Variants in LRRK1 observed in about 807,000 individuals in gnomAD.
LRRK1 encodes leucine rich repeat kinase 1.
Under a neutral mutation model 209.1 loss-of-function variants are expected in LRRK1, and 113 were observed. The observed-to-expected ratio is 0.54, with a 90% CI of 0.46 to 0.63. The LOEUF is 0.63. Ranked by LOEUF, LRRK1 falls within the 30% of genes least tolerant of loss-of-function variation. The pLI is 0.00. For synonymous variants in LRRK1, 1,144 were observed against 1,099.7 expected (o/e 1.04, Z -0.80); for missense variants, 2,284 against 2,632.2 (o/e 0.87, Z 2.89).
chr15:101,015,449 T>C (rs1337412112), intron 12 of LRRK1, 47 bp downstream of exon 12: 6 of 1,459,504 alleles, frequency 4.1e-6, no homozygotes, highest in South Asian at 1.2e-5. Flanking sequence ...ACAGCCGGGG[T>C]AGCCTGGTTC....
At chr15:100,942,695 C>CT (rs1353218040) in intron 2 of LRRK1, among the ~76,000 whole-genome samples, 3 of 152,058 alleles carry the variant, frequency 2.0e-5, no homozygotes, top group Admixed American at 1.3e-4. Context: ...TTTTTCTTTT[C>CT]TTTTTTTTCC....
chr15:101,068,779 G>A lies in LRRK1; in HGVS notation c.5979G>A (p.Glu1993=), dbSNP rs1295826642. 5 of 1,613,648 alleles carry A rather than the reference G, an allele frequency of 3.1e-6. No individual in the cohort carries two copies. Among genetic ancestry groups the A allele is most frequent in the Admixed American group, 3.3e-5 (2 of 59,986 alleles). The change falls in exon 34 of 34, where the codon GAG becomes GAA. Residue 1993 remains glutamate (E), a synonymous_variant. Coordinates refer to ENST00000388948, the MANE Select transcript of LRRK1 (RefSeq NM_024652.6). Reference sequence around the variant, plus strand: ...TCTGGAGGGGCTGGGGCGCCAGGGAGTTCGACATTTTCTACCAGTCCTACG... The same window carrying A: ...TCTGGAGGGGCTGGGGCGCCAGGGAATTCGACATTTTCTACCAGTCCTACG... ...LAVWRGWGAR[E]FDIFYQSYEE... is the part of the protein sequence containing the mutation.
intron 2 of LRRK1, among the ~76,000 whole-genome samples, chr15:100,960,503 C>T (rs1213824036): frequency 6.6e-6 from 1 of 151,992 alleles, no homozygotes; most frequent in Non-Finnish European, 1.5e-5. Flanking sequence ...AATGAACTGT[C>T]CTATTTATGT....
intron 20 of LRRK1, among the ~76,000 whole-genome samples, chr15:101,039,362 G>A (rs942307280): frequency 5.3e-5 from 8 of 152,018 alleles, no homozygotes; most frequent in Non-Finnish European, 8.8e-5. Context: ...TATGTTCTCC[G>A]ATATGGGTAA....
At chr15:100,926,102 C>T (rs111317329) in intron 2 of LRRK1, among the ~76,000 whole-genome samples, 2 of 152,366 alleles carry the variant, frequency 1.3e-5, no homozygotes, top group African/African-American at 4.8e-5. Flanking sequence ...ACATCCATCA[C>T]ATTATGAAAT....
chr15:101,004,664 A>C (rs2032858784), intron 6 of LRRK1, among the ~76,000 whole-genome samples: 1 of 152,190 alleles, frequency 6.6e-6, no homozygotes, highest in Non-Finnish European at 1.5e-5. Context: ...ACAGAGCCCA[A>C]AAAAGTGCTC....
intron 33 of LRRK1, chr15:101,067,470 G>A (rs926673840): frequency 2.0e-5 from 6 of 298,120 alleles, no homozygotes; most frequent in Non-Finnish European, 2.7e-5. Context: ...TGTGTACTTT[G>A]GAGCTCTTCC....
intron 4 of LRRK1, 36 bp from the exon 5 acceptor site, chr15:100,988,598 G>A: frequency 6.2e-7 from 1 of 1,608,794 alleles, no homozygotes; most frequent in Non-Finnish European, 8.5e-7. Context: ...GCACCCTTCA[G>A]TGGCACTTTC....
intron 20 of LRRK1, among the ~76,000 whole-genome samples, chr15:101,038,226 T>C (rs1040626162): frequency 4.6e-5 from 7 of 151,880 alleles, no homozygotes; most frequent in African/African-American, 1.7e-4. Flanking sequence ...GGGGAAAGGG[T>C]GGGAGGGGAT....
chr15:101,010,928 T>C, intron 9 of LRRK1, 91 bp downstream of exon 9: 1 of 1,246,774 alleles, frequency 8.0e-7, no homozygotes, highest in Non-Finnish European at 1.1e-6. Context: ...TGTCAGTTCA[T>C]CCCCTCAGCA....
At chr15:101,007,936 A>G (rs1437777845) in intron 6 of LRRK1, among the ~76,000 whole-genome samples, 2 of 151,984 alleles carry the variant, frequency 1.3e-5, no homozygotes, top group Non-Finnish European at 2.9e-5. Context: ...GGATTGCCCG[A>G]GGTCAGGAGT....
At chr15:100,937,323 A>T (rs1405318698) in intron 2 of LRRK1, among the ~76,000 whole-genome samples, 1 of 152,000 alleles carries the variant, frequency 6.6e-6, no homozygotes, top group Admixed American at 6.5e-5. Flanking sequence ...CCCTACCCAA[A>T]CTTACTACCA....
chr15:101,051,688 T>A (rs2035452781), intron 23 of LRRK1, 23 bp from the exon 24 acceptor site: 2 of 1,606,954 alleles, frequency 1.2e-6, no homozygotes, highest in Non-Finnish European at 1.7e-6. Context: ...TGTGAAGCTG[T>A]CTCCTGCTCT....
At chr15:100,932,401 G>A (rs1170321106) in intron 2 of LRRK1, among the ~76,000 whole-genome samples, 1 of 152,066 alleles carries the variant, frequency 6.6e-6, no homozygotes, top group Non-Finnish European at 1.5e-5. Flanking sequence ...TTTTTCCCTT[G>A]AGGATGTCTC....
intron 2 of LRRK1, among the ~76,000 whole-genome samples, chr15:100,962,823 A>ATATACATATATATATATTTTTTTTTTTTT: frequency 8.7e-5 from 1 of 11,544 alleles, no homozygotes; most frequent in African/African-American, 2.5e-4. Context: ...ATATATATAT[A>ATATACATATATATATATTTTTTTTTTTTT]TTTTTTTTTT....
chr15:101,028,974 A>G lies in LRRK1; in HGVS notation c.2705A>G (p.Glu902Gly). 1 of 1,613,972 alleles carries G rather than the reference A, an allele frequency of 6.2e-7. No homozygotes were observed. The highest frequency in any genetic ancestry group is 1.1e-5 in the South Asian group (1 of 91,056). ...DLQSAISFLIETGTLLHFPDT... is the reference protein window; with the variant it reads ...DLQSAISFLIGTGTLLHFPDT... ...GGGGCAGCCATCAGCTTCCTCATAG[A>G]AACCGGCACCCTGCTCCATTTCCCG... The change falls in exon 20 of 34, where the codon GAA becomes GGA. Residue 902 changes from glutamate (E) to glycine (G), a missense_variant. Glu to Gly is a moderately conservative substitution (Grantham distance 98). This residue lies in a region of LRRK1 where 780 missense variants were observed against 985.2 expected (regional missense o/e 0.79). Coordinates refer to ENST00000388948, the MANE Select transcript of LRRK1 (RefSeq NM_024652.6).
Position 101,049,802 on chromosome 15 carries a change from A to C in LRRK1, c.3439+19A>C. 1 of 1,607,426 alleles carries C rather than the reference A, an allele frequency of 6.2e-7. No individual in the cohort carries two copies. Among genetic ancestry groups the C allele is most frequent in the South Asian group, 1.1e-5 (1 of 90,120 alleles). On this transcript the variant is annotated intron_variant, in intron 23 of 33. Coordinates refer to ENST00000388948, the MANE Select transcript of LRRK1 (RefSeq NM_024652.6). Reference sequence around the variant, plus strand: ...TTTCCCGGTAAGAGGAGATGCTAGAAGCAAGCCCTCATTCATGCTAATATT... The same window carrying C: ...TTTCCCGGTAAGAGGAGATGCTAGACGCAAGCCCTCATTCATGCTAATATT...
chr15:101,073,284 C>G lies in LRRK1; in HGVS notation c.*4436C>G, dbSNP rs867445395. 2 of 152,334 alleles carry G rather than the reference C, an allele frequency of 1.3e-5. No homozygotes were observed. The highest frequency in any genetic ancestry group is 1.9e-4 in the East Asian group (1 of 5,206). The allele number at this position is 152,334 out of a possible 1,614,324, so 9.4% of individuals were successfully genotyped here. On this transcript the variant is annotated 3_prime_UTR_variant, in exon 34 of 34. Coordinates refer to ENST00000388948, the MANE Select transcript of LRRK1 (RefSeq NM_024652.6). ...CGCCGGTCACGGACTGGGAAGGCAGCCTTCCCTTGGTGTTTAATCATTGCA... is the reference window on the plus strand; with the variant it reads ...CGCCGGTCACGGACTGGGAAGGCAGGCTTCCCTTGGTGTTTAATCATTGCA...
In LRRK1 at chr15:101,015,482, G is replaced by A. The variant is rs1036396822; in HGVS notation, c.1609+80G>A. On this transcript the variant is annotated intron_variant, in intron 12 of 33. Coordinates refer to ENST00000388948, the MANE Select transcript of LRRK1 (RefSeq NM_024652.6). ...TTCCTGCTCCACCAAAGTGGGGATC[G>A]CCCTTATCTTGGGCCTTCCCCTTCA... The A allele has an allele frequency of 3.2e-5, 35 of 1,091,296 alleles. No homozygotes were observed. In the African/African-American group the frequency reaches 3.6e-4, roughly 11 times the overall value. The allele number at this position is 1,091,296 out of a possible 1,614,324, so 67.6% of individuals were successfully genotyped here.
Sources: allele counts gnomAD v4.1 joint callset (sites outside exome capture counted in the v4.1 genomes callset), GRCh38; gene constraint gnomAD v4.1.1; regional missense constraint gnomAD v4.1.1; transcripts MANE v1.5; gene names NCBI Gene and HGNC (gene_info 2026-07-23, HGNC 2026-07-21).